The following RASSF3 variants were observed in gnomAD, a reference collection of about 807,000 sequenced individuals.
RASSF3 encodes the protein Ras association domain family member 3, also known as ras association domain-containing protein 3.
A neutral mutation model predicts 19.9 loss-of-function variants in RASSF3; 19 were observed. That is an observed-to-expected ratio of 0.96 (90% confidence interval 0.67 to 1.40). The LOEUF is 1.40. RASSF3 is among the 40% of genes most tolerant of loss of function. RASSF3 has a pLI of 0.00. For missense variants in RASSF3, 306 were observed against 289.8 expected (o/e 1.06, Z -0.41); for synonymous variants, 110 against 104.2 (o/e 1.06, Z -0.34).
At chr12:64,680,612 T>A (rs1873086802) in intron 1 of RASSF3, among the ~76,000 whole-genome samples, 1 of 151,890 alleles carries the variant, frequency 6.6e-6, no homozygotes, top group African/African-American at 2.4e-5. Flanking sequence ...TGATCTTTGT[T>A]TTTTTTTGTT....
chr12:64,689,649 AC>A (rs1195041804), intron 3 of RASSF3, among the ~76,000 whole-genome samples: 2 of 152,050 alleles, frequency 1.3e-5, no homozygotes, highest in East Asian at 3.9e-4. Context: ...TTGAAATATT[AC>A]CCCCATGGCT....
chr12:64,686,612 A>G (rs1873365453), intron 2 of RASSF3, among the ~76,000 whole-genome samples: 1 of 151,962 alleles, frequency 6.6e-6, no homozygotes, highest in Non-Finnish European at 1.5e-5. Context: ...CTCCATCTCA[A>G]AAAAAAGAGT....
chr12:64,543,421 G>GCCCGCCCGCCCCCC (rs1565836074), downstream of RASSF3, among the ~76,000 whole-genome samples: 10 of 55,902 alleles, frequency 1.8e-4, 1 homozygote, highest in South Asian at 3.3e-3. Flanking sequence ...CCCGCCCCCC[G>GCCCGCCCGCCCCCC]GCTCCCCGCC....
upstream of RASSF3, among the ~76,000 whole-genome samples, chr12:64,608,818 A>G (rs575595115): frequency 6.6e-6 from 1 of 152,328 alleles, no homozygotes; most frequent in East Asian, 1.9e-4. Context: ...ATAAAGCCCT[A>G]TTCTCCTACA....
intron 2 of RASSF3, among the ~76,000 whole-genome samples, chr12:64,574,861 A>G (rs189371005): frequency 8.6e-4 from 131 of 152,350 alleles, no homozygotes; most frequent in African/African-American, 2.9e-3. Flanking sequence ...AGACATAAGT[A>G]TCTATTGTTA....
chr12:64,610,821 A>G, intron 1 of RASSF3, 78 bp downstream of exon 1: 1 of 856,802 alleles, frequency 1.2e-6, no homozygotes, highest in Non-Finnish European at 1.7e-6. Flanking sequence ...CCCTGCCTCC[A>G]CGTGTCTCTG....
chr12:64,672,807 A>G (rs1463755388), intron 1 of RASSF3, among the ~76,000 whole-genome samples: 1 of 152,192 alleles, frequency 6.6e-6, no homozygotes, highest in Non-Finnish European at 1.5e-5. Context: ...ATGAACCACT[A>G]TGGCTAGCCT....
intron 1 of RASSF3, among the ~76,000 whole-genome samples, chr12:64,679,781 C>G (rs1293337652): frequency 6.6e-6 from 1 of 152,190 alleles, no homozygotes; most frequent in African/African-American, 2.4e-5. Flanking sequence ...CTCTGAGAAA[C>G]TGCTGGAGGG....
At chr12:64,641,411 C>CAT (rs1871515942) in intron 1 of RASSF3, among the ~76,000 whole-genome samples, 1 of 144,186 alleles carries the variant, frequency 6.9e-6, no homozygotes, top group African/African-American at 2.7e-5. Flanking sequence ...CGCACACACA[C>CAT]ACACGCGCGC....
At chr12:64,519,776 A>G (rs1868429764) in intron 1 of RASSF3, among the ~76,000 whole-genome samples, 1 of 152,112 alleles carries the variant, frequency 6.6e-6, no homozygotes, top group South Asian at 2.1e-4. Context: ...TAAAGTGTTT[A>G]TGTATATAAA....
At position 64,551,738 on chromosome 12, in the gene RASSF3, G is replaced by A. The variant is rs555308863; in HGVS notation, c.294+10033G>A. 6.6e-5 allele frequency among the ~76,000 whole-genome samples: 10 copies of A among 152,192 alleles called. No individual in the cohort carries two copies. In the South Asian group the frequency reaches 1.5e-3, roughly 22 times the overall value. Reference sequence around the variant, plus strand: ...GTTTTCTTTAATACTCACAACAATCGTATTTGTCCATTTAGCCTAGAACTT... The same window carrying A: ...GTTTTCTTTAATACTCACAACAATCATATTTGTCCATTTAGCCTAGAACTT... On this transcript the variant is annotated intron_variant, in intron 2 of 5. Transcript: ENST00000637125.
Position 64,610,575 on chromosome 12 carries a change from C to A in RASSF3, c.-58C>A. The A allele has an allele frequency of 1.0e-6, 1 of 994,872 alleles. No homozygotes were observed. 61.6% of individuals were successfully genotyped at this position (994,872 alleles called of 1,614,324 possible). On this transcript the variant is annotated 5_prime_UTR_variant, in exon 1 of 5. Transcript: ENST00000542104. ...CTCGCGGGGCTGGCGGGCGCCGCAC[C>A]CCCTCCCTGGCCGCCTGCGCCCCGG...
intron 1 of RASSF3, among the ~76,000 whole-genome samples, chr12:64,612,961 C>G (rs1463193296): frequency 3.3e-5 from 5 of 152,132 alleles, no homozygotes; most frequent in Non-Finnish European, 7.3e-5. Flanking sequence ...GTATTTGAAG[C>G]TTTATTGCCT....
intron 2 of RASSF3, 60 bp from the exon 3 acceptor site, chr12:64,688,156 C>A: frequency 1.7e-6 from 2 of 1,177,890 alleles, no homozygotes; most frequent in Non-Finnish European, 2.5e-6. Context: ...TTTTGATATG[C>A]TTCTTCCCTA....
At chr12:64,582,951 AT>A (rs1869728394) in intron 2 of RASSF3, among the ~76,000 whole-genome samples, 2 of 152,168 alleles carry the variant, frequency 1.3e-5, no homozygotes, top group South Asian at 4.1e-4. Context: ...CTACTTACTC[AT>A]TTTGAAGTAC....
intron 1 of RASSF3, among the ~76,000 whole-genome samples, chr12:64,677,423 A>C (rs1872948703): frequency 6.6e-6 from 1 of 152,100 alleles, no homozygotes; most frequent in Admixed American, 6.6e-5. Flanking sequence ...GCATACCATC[A>C]TACCCAGCTA....
chr12:64,618,431 A>G (rs1353845286), intron 1 of RASSF3, among the ~76,000 whole-genome samples: 1 of 152,072 alleles, frequency 6.6e-6, no homozygotes, highest in Admixed American at 6.6e-5. Context: ...GGTTCAAGCA[A>G]TTCTCCTGCC....
At chr12:64,576,865 A>C (rs1869604247) in intron 2 of RASSF3, among the ~76,000 whole-genome samples, 2 of 151,756 alleles carry the variant, frequency 1.3e-5, no homozygotes, top group South Asian at 2.1e-4. Flanking sequence ...AAAAAAAAAA[A>C]AAAAACTTGA....
intron 2 of RASSF3, among the ~76,000 whole-genome samples, chr12:64,564,532 G>A (rs879453204): frequency 3.3e-5 from 5 of 151,556 alleles, no homozygotes; most frequent in East Asian, 2.0e-4. Flanking sequence ...ACAGGTATGC[G>A]CCACCATGCC....
Sources: gnomAD v4.1 joint callset for allele counts (sites outside exome capture counted in the v4.1 genomes callset) on GRCh38, gnomAD v4.1.1 for gene constraint, MANE v1.5 for transcripts, NCBI Gene and HGNC (gene_info 2026-07-23, HGNC 2026-07-21) for gene names.